Variants in VPS13B observed in about 807,000 individuals in gnomAD.
VPS13B encodes intermembrane lipid transfer protein VPS13B.
In VPS13B, 285 loss-of-function variants were observed where a neutral mutation model predicts 426.4. That is an observed-to-expected ratio of 0.67 (90% CI 0.61 to 0.74). The LOEUF is 0.74. Ranked by LOEUF, VPS13B falls within the 30% of genes least tolerant of loss-of-function variation. The pLI is 0.00. For synonymous variants in VPS13B, 1,676 were observed against 1,676.4 expected (o/e 1.00, Z 0.01); for missense variants, 4,537 against 4,782.6 (o/e 0.95, Z 1.51).
At chr8:99,161,042 A>G (rs1321425251) in intron 15 of VPS13B, among the ~76,000 whole-genome samples, 4 of 152,230 alleles carry the variant, frequency 2.6e-5, no homozygotes, top group Non-Finnish European at 1.5e-5. Context: ...GTGATCTACC[A>G]TAATGTTTTA....
chr8:99,516,499 A>C (rs1212017223), intron 29 of VPS13B, among the ~76,000 whole-genome samples: 1 of 152,134 alleles, frequency 6.6e-6, no homozygotes, highest in Non-Finnish European at 1.5e-5. Flanking sequence ...AATTAAATTA[A>C]AAATGTAGGC....
intron 17 of VPS13B, among the ~76,000 whole-genome samples, chr8:99,256,713 T>C (rs1409914120): frequency 6.6e-6 from 1 of 152,168 alleles, no homozygotes; most frequent in Non-Finnish European, 1.5e-5. Context: ...TCTATTCAAG[T>C]CCTTTGTCCA....
At chr8:99,121,501 A>G (rs749685576) in intron 8 of VPS13B, 56 bp downstream of exon 8, 1 of 1,605,974 alleles carries the variant, frequency 6.2e-7, no homozygotes, top group South Asian at 1.1e-5. Context: ...TTAAATTTGG[A>G]TTGTTAGTAC....
intron 33 of VPS13B, among the ~76,000 whole-genome samples, chr8:99,614,931 AACATGG>A (rs1828016796): frequency 6.6e-6 from 1 of 151,856 alleles, no homozygotes; most frequent in Non-Finnish European, 1.5e-5. Flanking sequence ...CAGCCTGACC[AACATGG>A]AGAAACCCCG....
At chr8:99,430,191 C>A (rs559032040) in intron 21 of VPS13B, among the ~76,000 whole-genome samples, 1 of 151,998 alleles carries the variant, frequency 6.6e-6, no homozygotes. Flanking sequence ...AGAAAAAGTC[C>A]GTTCTTCATG....
intron 19 of VPS13B, among the ~76,000 whole-genome samples, chr8:99,316,628 A>G (rs1462247606): frequency 6.6e-6 from 1 of 152,158 alleles, no homozygotes; most frequent in Non-Finnish European, 1.5e-5. Context: ...ATGCCTCTCC[A>G]GGGTCGCAGC....
At chr8:99,387,563 A>G (rs543486985) in intron 20 of VPS13B, among the ~76,000 whole-genome samples, 1 of 152,192 alleles carries the variant, frequency 6.6e-6, no homozygotes, top group Non-Finnish European at 1.5e-5. Flanking sequence ...TTGTTATTTT[A>G]CTACAGTTTG....
At chr8:99,594,177 T>A (rs1826868292) in intron 33 of VPS13B, among the ~76,000 whole-genome samples, 1 of 151,896 alleles carries the variant, frequency 6.6e-6, no homozygotes, top group South Asian at 2.1e-4. Flanking sequence ...TTTCTCAGGA[T>A]ATGAGTCTCG....
At chr8:99,125,192 C>T (rs532987130) in intron 8 of VPS13B, among the ~76,000 whole-genome samples, 12 of 152,256 alleles carry the variant, frequency 7.9e-5, no homozygotes, top group Non-Finnish European at 1.5e-4. Flanking sequence ...GGGAAGCTGA[C>T]GGTGCAGCTT....
intron 17 of VPS13B, among the ~76,000 whole-genome samples, chr8:99,208,798 A>G (rs770260927): frequency 1.3e-5 from 2 of 152,188 alleles, no homozygotes; most frequent in Non-Finnish European, 2.9e-5. Context: ...TAGTGAAGTA[A>G]TTTTGTAAGT....
chr8:99,380,662 TCTTTTTCTCTTA>T (rs1467767484), intron 19 of VPS13B, among the ~76,000 whole-genome samples: 1 of 152,236 alleles, frequency 6.6e-6, no homozygotes, highest in East Asian at 1.9e-4. Flanking sequence ...AAGATAAATT[TCTTTTTCTCTTA>T]CTTTTTCTCC....
At position 99,569,447 on chromosome 8, in the gene VPS13B, GA is replaced by G. The variant is rs372498776; in HGVS notation, c.4950-6198del. Among the ~76,000 whole-genome samples, 468 of 134,766 alleles carry G rather than the reference GA, an allele frequency of 3.5e-3. 1 individual carries two copies. Among genetic ancestry groups the G allele is most frequent in the South Asian group, 0.016 (70 of 4,250 alleles). The allele number at this position is 134,766 out of a possible 152,430, so 88.4% of individuals were successfully genotyped here. ...GAGACCCTTTCTCATACACAAAAGG[GA>G]AAAAAAAAAAAAGAAAAAAGAATTG... On this transcript the variant is annotated intron_variant, in intron 31 of 61. Coordinates refer to ENST00000357162, the MANE Select transcript of VPS13B (RefSeq NM_152564.5).
At chr8:99,714,138 C>CAAAAAA (rs1166159886) in intron 36 of VPS13B, among the ~76,000 whole-genome samples, 1 of 65,150 alleles carries the variant, frequency 1.5e-5, no homozygotes, top group Non-Finnish European at 3.1e-5. Context: ...GACTCTGTCT[C>CAAAAAA]AAAAAAAAAA....
intron 58 of VPS13B, among the ~76,000 whole-genome samples, 187 bp downstream of exon 58, chr8:99,862,133 G>T (rs772480828): frequency 4.6e-5 from 7 of 152,224 alleles, no homozygotes; most frequent in African/African-American, 7.2e-5. Flanking sequence ...CACATGCAGC[G>T]CCTGTGTTTG....
intron 35 of VPS13B, among the ~76,000 whole-genome samples, chr8:99,678,609 G>A (rs1270028085): frequency 6.6e-6 from 1 of 150,946 alleles, no homozygotes; most frequent in South Asian, 2.1e-4. Flanking sequence ...AAGAGGTTTT[G>A]TATTGCTCTA....
At chr8:99,225,220 T>C (rs1815947896) in intron 17 of VPS13B, among the ~76,000 whole-genome samples, 1 of 152,204 alleles carries the variant, frequency 6.6e-6, no homozygotes, top group African/African-American at 2.4e-5. Flanking sequence ...TTTATTTGAA[T>C]ATGCCAAGGT....
chr8:99,679,040 C>A (rs540257321), intron 35 of VPS13B, among the ~76,000 whole-genome samples: 2 of 152,182 alleles, frequency 1.3e-5, no homozygotes, highest in Non-Finnish European at 2.9e-5. Context: ...TCTTAGTCTG[C>A]AATTCTTACA....
intron 39 of VPS13B, among the ~76,000 whole-genome samples, chr8:99,761,856 C>T (rs534776014): frequency 1.3e-5 from 2 of 151,956 alleles, no homozygotes; most frequent in African/African-American, 2.4e-5. Flanking sequence ...GGTACATAAT[C>T]ATATATATTT....
chr8:99,517,766 T>A (rs890839782), intron 29 of VPS13B, among the ~76,000 whole-genome samples: 1 of 152,114 alleles, frequency 6.6e-6, no homozygotes, highest in African/African-American at 2.4e-5. Flanking sequence ...CATTTTCATG[T>A]TGAAAATATT....
Sources: gnomAD v4.1 joint callset for allele counts (sites outside exome capture counted in the v4.1 genomes callset) on GRCh38, gnomAD v4.1.1 for gene constraint, MANE v1.5 for transcripts, NCBI Gene and HGNC (gene_info 2026-07-23, HGNC 2026-07-21) for gene names.